The following RYR2 variants were observed in gnomAD, a reference collection of about 807,000 sequenced individuals.
RYR2 encodes the protein ryanodine receptor 2, also known as cardiac muscle ryanodine receptor-calcium release channel.
In RYR2, 227 loss-of-function variants were observed where a neutral mutation model predicts 601.1. The observed-to-expected ratio is 0.38, with a 90% CI of 0.34 to 0.42. The LOEUF (loss-of-function observed/expected upper bound fraction) is 0.42, where lower values mean the gene tolerates loss of function less well. Among genes scored for constraint, RYR2 ranks in the 10% least tolerant of loss-of-function variants. The pLI, the probability that RYR2 is intolerant of heterozygous loss-of-function variation, is 1.00. For missense variants in RYR2, 4,646 were observed against 6,156.5 expected (o/e 0.75, Z 8.21); for synonymous variants, 2,223 against 2,175.1 (o/e 1.02, Z -0.61).
chr1:237,525,427 G>T (rs1425464151), intron 24 of RYR2, among the ~76,000 whole-genome samples: 1 of 148,046 alleles, frequency 6.8e-6, no homozygotes, highest in African/African-American at 2.4e-5. Flanking sequence ...CAATGAACAT[G>T]TGAGTGCAGG....
chr1:237,425,709 T>C (rs962187637), intron 12 of RYR2, among the ~76,000 whole-genome samples: 1 of 151,550 alleles, frequency 6.6e-6, no homozygotes, highest in Non-Finnish European at 1.5e-5. Context: ...ACAAAATTGG[T>C]CCTTGTTTTC....
intron 3 of RYR2, among the ~76,000 whole-genome samples, chr1:237,340,065 A>C (rs1365106134): frequency 1.3e-5 from 2 of 152,206 alleles, no homozygotes; most frequent in Non-Finnish European, 2.9e-5. Context: ...GATAATTTCT[A>C]ACATTGTCTG....
chr1:237,112,795 A>C (rs779905760), intron 1 of RYR2, among the ~76,000 whole-genome samples: 1 of 152,248 alleles, frequency 6.6e-6, no homozygotes, highest in Non-Finnish European at 1.5e-5. Flanking sequence ...CCTGACTTTT[A>C]AAATAACAAC....
At chr1:237,443,167 C>T (rs76503097) in intron 13 of RYR2, among the ~76,000 whole-genome samples, 2,061 of 152,142 alleles carry the variant, frequency 0.014, 56 homozygotes, top group African/African-American at 0.047. Context: ...TGTTCGTAAG[C>T]CCTTTCTGTA....
chr1:237,742,271 T>A, intron 79 of RYR2, 25 bp from the exon 80 acceptor site: 1 of 362,972 alleles, frequency 2.8e-6, no homozygotes, highest in Non-Finnish European at 3.9e-6. Context: ...TCCTGTCTCC[T>A]TTTTTTTTTT....
chr1:237,073,772 G>C (rs1664668692), intron 1 of RYR2, among the ~76,000 whole-genome samples: 1 of 149,890 alleles, frequency 6.7e-6, no homozygotes, highest in South Asian at 2.1e-4. Context: ...TCAGGAGGCT[G>C]AGGCATGAGA....
At chr1:237,704,421 G>T (rs1216325452) in intron 66 of RYR2, among the ~76,000 whole-genome samples, 1 of 151,842 alleles carries the variant, frequency 6.6e-6, no homozygotes, top group African/African-American at 2.4e-5. Flanking sequence ...ATCATGTAAA[G>T]TAATGTATTT....
At chr1:237,528,346 A>G (rs1165313653) in intron 24 of RYR2, among the ~76,000 whole-genome samples, 1 of 152,126 alleles carries the variant, frequency 6.6e-6, no homozygotes, top group African/African-American at 2.4e-5. Context: ...AAATTTTAGT[A>G]TGTATCATAG....
intron 2 of RYR2, among the ~76,000 whole-genome samples, chr1:237,312,405 C>T (rs1278346723): frequency 6.6e-6 from 1 of 152,134 alleles, no homozygotes; most frequent in African/African-American, 2.4e-5. Flanking sequence ...ATCTTGTGGC[C>T]ATGTACTTCA....
chr1:237,680,481 A>G lies in RYR2; in HGVS notation c.8921A>G (p.Tyr2974Cys), dbSNP rs1685778254. ...AKVVLPLIDQ[Y>C]FKNHRLYFLS... ...GTCGTTCTTCCTTTAATTGATCAGTATTTCAAAAACCATCGTTTATACTTC... is the reference window on the plus strand; with the variant it reads ...GTCGTTCTTCCTTTAATTGATCAGTGTTTCAAAAACCATCGTTTATACTTC... The change falls in exon 62 of 105, where the codon TAT becomes TGT. Residue 2974 changes from tyrosine (Y) to cysteine (C), a missense_variant. Tyr to Cys is a radical substitution (Grantham distance 194). This residue lies in a region of RYR2 where 1,497 missense variants were observed against 1,842.6 expected (regional missense o/e 0.81). Coordinates refer to ENST00000366574, the MANE Select transcript of RYR2 (RefSeq NM_001035.3). 6.2e-7 allele frequency: 1 copy of G among 1,607,992 alleles called. No homozygotes were observed. The highest frequency in any genetic ancestry group is 8.5e-7 in the Non-Finnish European group (1 of 1,175,054).
rs1558319899 is a variant in RYR2 at position 237,148,529 on chromosome 1, T to TATATATATATATATATATACACACAC, written c.48+105979_48+105980insCACACACATATATATATATATATATA. 7.6e-3 allele frequency among the ~76,000 whole-genome samples: 325 copies of TATATATATATATATATATACACACAC among 42,510 alleles called. 8 individuals are homozygous for TATATATATATATATATATACACACAC. Among genetic ancestry groups the TATATATATATATATATATACACACAC allele is most frequent in the African/African-American group, 0.028 (308 of 11,006 alleles). The allele number at this position is 42,510 out of a possible 152,430, so 27.9% of individuals were successfully genotyped here. On this transcript the variant is annotated intron_variant, in intron 1 of 104. Coordinates refer to ENST00000366574, the MANE Select transcript of RYR2 (RefSeq NM_001035.3). ...AGAACTTCAAGTAAAAAAAAAAAAA[T>TATATATATATATATATATACACACAC]ATATATATATATATATATATATATA...
chr1:237,455,687 C>T (rs1419334640), intron 15 of RYR2, among the ~76,000 whole-genome samples: 9 of 152,134 alleles, frequency 5.9e-5, no homozygotes, highest in African/African-American at 9.7e-5. Context: ...TCATCAGAAA[C>T]GCTTGAAACT....
In RYR2 at chr1:237,709,462, A is replaced by G. The variant is rs3736542; in HGVS notation, c.10143-18A>G. The G allele has an allele frequency of 6.9e-3, 10,712 of 1,541,298 alleles. 981 individuals are homozygous for G. In the East Asian group the frequency reaches 0.2, roughly 29 times the overall value. ...TAAGGAGTAGCTGAGAAACCACTTT[A>G]TTTATTATGTGATCCAGGGCAAAGT... On this transcript the variant is annotated intron_variant, in intron 69 of 104. Coordinates refer to ENST00000366574, the MANE Select transcript of RYR2 (RefSeq NM_001035.3).
At chr1:237,439,201 C>A (rs921113331) in intron 12 of RYR2, among the ~76,000 whole-genome samples, 4 of 152,166 alleles carry the variant, frequency 2.6e-5, no homozygotes, top group Non-Finnish European at 5.9e-5. Flanking sequence ...ATCTGAATTT[C>A]TCCTAAGCCT....
At chr1:237,048,772 G>T (rs994787803) in intron 1 of RYR2, among the ~76,000 whole-genome samples, 4 of 152,132 alleles carry the variant, frequency 2.6e-5, no homozygotes, top group African/African-American at 9.7e-5. Flanking sequence ...TTGGGCATCG[G>T]TTTCCCATGA....
chr1:237,077,069 A>T (rs1176335369), intron 1 of RYR2, among the ~76,000 whole-genome samples: 2 of 44,690 alleles, frequency 4.5e-5, no homozygotes, highest in African/African-American at 1.3e-4. Context: ...ATAGACAAGC[A>T]AATGTTGAGA....
chr1:237,060,744 G>C (rs537015585), intron 1 of RYR2, among the ~76,000 whole-genome samples: 1 of 152,236 alleles, frequency 6.6e-6, no homozygotes, highest in South Asian at 2.1e-4. Context: ...GCTCCTGGTG[G>C]CTTAGTGCTG....
intron 54 of RYR2, 94 bp downstream of exon 54, chr1:237,658,116 T>A: frequency 3.1e-6 from 2 of 646,042 alleles, no homozygotes; most frequent in South Asian, 3.2e-5. Flanking sequence ...TGTTTTAAAA[T>A]GAGAACTTGA....
intron 47 of RYR2, 63 bp downstream of exon 47, chr1:237,641,065 G>A (rs1248467987): frequency 1.7e-6 from 2 of 1,187,406 alleles, no homozygotes; most frequent in Non-Finnish European, 2.4e-6. Context: ...ATCTATAGCT[G>A]TCAAAGAGCA....
Sources: allele counts gnomAD v4.1 joint callset (sites outside exome capture counted in the v4.1 genomes callset), GRCh38; gene constraint gnomAD v4.1.1; regional missense constraint gnomAD v4.1.1; transcripts MANE v1.5; gene names NCBI Gene and HGNC (gene_info 2026-07-23, HGNC 2026-07-21).